Variants in ANKRD46 observed in about 807,000 individuals in gnomAD.
The protein encoded by ANKRD46 is ankyrin repeat domain-containing protein 46.
A neutral mutation model predicts 19.8 loss-of-function variants in ANKRD46; 13 were observed. That is an observed-to-expected ratio of 0.66 (90% CI 0.43 to 1.04). The LOEUF (loss-of-function observed/expected upper bound fraction) is 1.04, where lower values mean the gene tolerates loss of function less well. Among genes scored for constraint, ANKRD46 ranks in the 50% least tolerant of loss-of-function variants. The pLI is 0.00. For missense variants in ANKRD46, 185 were observed against 274.8 expected (o/e 0.67, Z 2.31); for synonymous variants, 91 against 106.9 (o/e 0.85, Z 0.92).
chr8:100,553,297 CT>C (rs1812430472), intron 1 of ANKRD46, among the ~76,000 whole-genome samples: 1 of 152,150 alleles, frequency 6.6e-6, no homozygotes, highest in Admixed American at 6.5e-5. Flanking sequence ...AGCCAAAAGA[CT>C]GAGGAGAGGG....
chr8:100,549,936 T>A (rs975870582), intron 1 of ANKRD46, among the ~76,000 whole-genome samples: 1 of 152,196 alleles, frequency 6.6e-6, no homozygotes, highest in Non-Finnish European at 1.5e-5. Context: ...AATCATACGG[T>A]ATGCAGCTGT....
Position 100,555,722 on chromosome 8 carries a change from T to TAAAAAAAAAAAA in ANKRD46, c.-131+3977_-131+3988dup, listed in dbSNP as rs59521764. Among the ~76,000 whole-genome samples the TAAAAAAAAAAAA allele has an allele frequency of 1.1e-3, 61 of 53,302 alleles. 9 individuals are homozygous for TAAAAAAAAAAAA. Among genetic ancestry groups the TAAAAAAAAAAAA allele is most frequent in the South Asian group, 2.4e-3 (2 of 844 alleles). 35.0% of individuals were successfully genotyped at this position (53,302 alleles called of 152,430 possible). A position where few individuals can be genotyped will look rare whatever the true frequency, so the allele number is the denominator to read the frequency against. ...GCACCAACTTAATATTTTCCTCAGC[T>TAAAAAAAAAAAA]AAAAAAAAAAAAAAAAAAAAAAAAA... On this transcript the variant is annotated intron_variant, in intron 1 of 4. Coordinates refer to ENST00000335659, the MANE Select transcript of ANKRD46 (RefSeq NM_001270377.2).
rs756447240 is a variant in ANKRD46 at position 100,527,937 on chromosome 8, T to C, written c.378A>G (p.Arg126=). The change falls in exon 4 of 5, where the codon CGA becomes CGG. Residue 126 remains arginine (R), a synonymous_variant. Transcript: ENST00000335659. The surrounding 1 kb of genome is among the most constrained non-coding windows in gnomAD (Gnocchi z 4.0). ...KRRGVNKDVI[R]LLESLEEQEV... is the part of the protein sequence containing the mutation. ...CCTGTTCTTCCAAAGATTCCAGCAA[T>C]CGGATGACATCTTTATTTACTCCTC... The C allele has an allele frequency of 5.6e-6, 9 of 1,608,390 alleles. No homozygotes were observed. In the South Asian group the frequency reaches 8.8e-5, roughly 16 times the overall value.
At chr8:100,555,263 A>T (rs757841359) in intron 1 of ANKRD46, among the ~76,000 whole-genome samples, 3 of 148,592 alleles carry the variant, frequency 2.0e-5, no homozygotes, top group Non-Finnish European at 4.5e-5. Flanking sequence ...TTTAAAGGAT[A>T]AAAAAAAAAC....
At position 100,546,854 on chromosome 8, in the gene ANKRD46, G is replaced by A. The variant is rs892178348; in HGVS notation, c.-131+12857C>T. ...CCTGGATGTGAGACATGGAGTTAAA[G>A]GAGATTTTGGAGTTTAAGATTCAAT... On this transcript the variant is annotated intron_variant, in intron 1 of 4. Coordinates refer to ENST00000335659, the MANE Select transcript of ANKRD46 (RefSeq NM_001270377.2). This position sits in a 1 kb window ranked among gnomAD's most constrained non-coding sequence, Gnocchi z 4.0. Among the ~76,000 whole-genome samples the A allele has an allele frequency of 3.3e-5, 5 of 152,234 alleles. No homozygotes were observed. The South Asian group carries it at 1.0e-3, about 31-fold the overall frequency.
Position 100,525,606 on chromosome 8 carries a change from C to T in ANKRD46, c.470+2239G>A, listed in dbSNP as rs1811826803. On this transcript the variant is annotated intron_variant, in intron 4 of 4. Transcript: ENST00000335659. This position sits in a 1 kb window ranked among gnomAD's most constrained non-coding sequence, Gnocchi z 4.4. ...ATAATATAATAATATTAGTAATATT[C>T]CATTGGATGAACAGATGATGTTTAT... Among the ~76,000 whole-genome samples, 1 of 152,032 alleles carries T rather than the reference C, an allele frequency of 6.6e-6. No individual in the cohort carries two copies. Among genetic ancestry groups the T allele is most frequent in the Non-Finnish European group, 1.5e-5 (1 of 68,014 alleles).
intron 5 of ANKRD46, among the ~76,000 whole-genome samples, chr8:100,514,695 T>A (rs1233753430): frequency 1.4e-5 from 2 of 144,716 alleles, no homozygotes; most frequent in Non-Finnish European, 3.0e-5. Context: ...AATCTCGGCT[T>A]ACTGCAACCT....
chr8:100,510,601 G>A lies in ANKRD46; in HGVS notation c.675C>T (p.Asp225=), dbSNP rs1453592494. ...ATTAGATGGCCTGGATTCGGCTTCTGTCTTGCCTTGCAAAGCTTCCAAGCC... is the reference window on the plus strand; with the variant it reads ...ATTAGATGGCCTGGATTCGGCTTCTATCTTGCCTTGCAAAGCTTCCAAGCC... The change falls in exon 6 of 6, where the codon GAC becomes GAT. Residue 225 remains aspartate (D), a synonymous_variant. Coordinates refer to the ANKRD46 transcript ENST00000520552. This position sits in a 1 kb window ranked among gnomAD's most constrained non-coding sequence, Gnocchi z 4.9. The A allele has an allele frequency of 6.5e-7, 1 of 1,535,558 alleles. No individual in the cohort carries two copies. Among genetic ancestry groups the A allele is most frequent in the Non-Finnish European group, 8.7e-7 (1 of 1,146,672 alleles).
rs28449321 is a variant in ANKRD46, at chr8:100,512,022, C to T, written c.637-1383G>A. Reference sequence around the variant, plus strand: ...CCTGGGTGACACAGTGAGACTCCATCTTAAACAAACGAACAAAAAGACAAT... The same window carrying T: ...CCTGGGTGACACAGTGAGACTCCATTTTAAACAAACGAACAAAAAGACAAT... On this transcript the variant is annotated intron_variant, in intron 5 of 5. Transcript: ENST00000520552. 2.3e-3 allele frequency among the ~76,000 whole-genome samples: 348 copies of T among 152,252 alleles called. 1 individual carries two copies. Among genetic ancestry groups the T allele is most frequent in the Non-Finnish European group, 3.6e-3 (248 of 68,038 alleles).
At chr8:100,517,001 G>A (rs554967384), downstream of ANKRD46, among the ~76,000 whole-genome samples, 1 of 152,316 alleles carries the variant, frequency 6.6e-6, no homozygotes, top group East Asian at 1.9e-4. Flanking sequence ...GCCGCTTACT[G>A]GCCGTGTTAC....
rs186144197 is a variant in ANKRD46 at position 100,521,935 on chromosome 8, A to G, written c.*620T>C. ...ATCAAAAATTATCCTAAAAACAAAT[A>G]AATATAAGATCAAATCAATTATCTT... On this transcript the variant is annotated 3_prime_UTR_variant, in exon 5 of 5. Transcript: ENST00000335659. 4.3e-5 allele frequency: 42 copies of G among 982,186 alleles called. No homozygotes were observed. In the East Asian group the frequency reaches 4.4e-3, roughly 104 times the overall value. The allele number at this position is 982,186 out of a possible 1,614,324, so 60.8% of individuals were successfully genotyped here.
At chr8:100,513,588 T>C (rs1811582861) in intron 5 of ANKRD46, among the ~76,000 whole-genome samples, 1 of 152,234 alleles carries the variant, frequency 6.6e-6, no homozygotes, top group Non-Finnish European at 1.5e-5. Flanking sequence ...GCCTCCACTG[T>C]CTGATCCAAA....
exon 6 of ANKRD46, chr8:100,509,809 G>A (rs988807729): frequency 6.6e-6 from 1 of 152,204 alleles, no homozygotes; most frequent in African/African-American, 2.4e-5. Flanking sequence ...TTTACGAGAG[G>A]GAAGTGCCTG....
At position 100,521,844 on chromosome 8, in the gene ANKRD46, G is replaced by A. The variant is rs1172756545; in HGVS notation, c.*711C>T. ...ATGACTAGGATACTCGGGAAAATTG[G>A]AAAGTGAACAAAATGAACTCATTTA... On this transcript the variant is annotated 3_prime_UTR_variant, in exon 5 of 5. Transcript: ENST00000335659. 3.0e-6 allele frequency: 3 copies of A among 985,030 alleles called. No individual in the cohort carries two copies. The highest frequency in any genetic ancestry group is 2.3e-4 in the East Asian group (2 of 8,830). 61.0% of individuals were successfully genotyped at this position (985,030 alleles called of 1,614,324 possible).
Position 100,536,424 on chromosome 8 carries a change from G to C in ANKRD46, c.-130-3113C>G, listed in dbSNP as rs931474584. Among the ~76,000 whole-genome samples the C allele has an allele frequency of 2.0e-5, 3 of 152,004 alleles. No individual in the cohort carries two copies. Among genetic ancestry groups the C allele is most frequent in the African/African-American group, 7.3e-5 (3 of 41,358 alleles). ...AATGTATATGGAGCTGGACTGCCTGGGTTTGAACCCCAGCTCAGCTACTTA... is the reference window on the plus strand; with the variant it reads ...AATGTATATGGAGCTGGACTGCCTGCGTTTGAACCCCAGCTCAGCTACTTA... On this transcript the variant is annotated intron_variant, in intron 1 of 4. Coordinates refer to ENST00000335659, the MANE Select transcript of ANKRD46 (RefSeq NM_001270377.2). This position sits in a 1 kb window ranked among gnomAD's most constrained non-coding sequence, Gnocchi z 4.9.
Position 100,555,489 on chromosome 8 carries a change from A to AG in ANKRD46, c.-131+4221_-131+4222insC, listed in dbSNP as rs1275034984. On this transcript the variant is annotated intron_variant, in intron 1 of 4. Transcript: ENST00000335659. ...TTAAAGAGGACTGGGACTAAAAAAAAAAAGACTATAAGTTAAATAAAAACA... is the reference window on the plus strand; with the variant it reads ...TTAAAGAGGACTGGGACTAAAAAAAAGAAAGACTATAAGTTAAATAAAAACA... Among the ~76,000 whole-genome samples the AG allele has an allele frequency of 2.0e-5, 3 of 151,624 alleles. No homozygotes were observed. In the East Asian group the frequency reaches 5.8e-4, roughly 29 times the overall value.
At chr8:100,540,319 T>C (rs1240220232) in intron 1 of ANKRD46, among the ~76,000 whole-genome samples, 1 of 152,226 alleles carries the variant, frequency 6.6e-6, no homozygotes, top group Non-Finnish European at 1.5e-5. Flanking sequence ...TATAACTCTT[T>C]ACAATCATTT....
At chr8:100,519,212 G>C (rs1352630993), downstream of ANKRD46, among the ~76,000 whole-genome samples, 1 of 152,194 alleles carries the variant, frequency 6.6e-6, no homozygotes, top group South Asian at 2.1e-4. Flanking sequence ...TAAGGGTACT[G>C]GTTGGTTTGA....
At chr8:100,554,388 A>G (rs932154905) in intron 1 of ANKRD46, among the ~76,000 whole-genome samples, 192 of 152,350 alleles carry the variant, frequency 1.3e-3, no homozygotes, top group African/African-American at 4.5e-3. Context: ...TAAAGTTTAC[A>G]TTGGTAATTC....
Sources: gnomAD v4.1 joint callset for allele counts (sites outside exome capture counted in the v4.1 genomes callset) on GRCh38, gnomAD v4.1.1 for gene constraint, Gnocchi (gnomAD v3.1) non-coding constraint, MANE v1.5 for transcripts, NCBI Gene and HGNC (gene_info 2026-07-23, HGNC 2026-07-21) for gene names.